GAREM2: variants seen among roughly 807,000 people sequenced by gnomAD.
GAREM2 encodes GRB2-associated and regulator of MAPK protein 2.
Under a neutral mutation model 55.6 loss-of-function variants are expected in GAREM2, and 30 were observed. The observed-to-expected ratio is 0.54, with a 90% CI of 0.40 to 0.73. GAREM2 has a LOEUF of 0.73. Among genes scored for constraint, GAREM2 ranks in the 30% least tolerant of loss-of-function variants. The pLI is 0.00. For missense variants in GAREM2, 1,075 were observed against 1,257.7 expected, an observed-to-expected ratio of 0.85 and a Z score of 2.20; for synonymous variants, 550 against 569.1, an observed-to-expected ratio of 0.97 and a Z score of 0.48.
Position 26,187,328 on chromosome 2 carries a change from T to C in GAREM2, c.1696T>C (p.Ser566Pro). The change falls in exon 6 of 6, where the codon TCT (serine) becomes CCT (proline). Residue 566 changes from serine to proline, a missense_variant. Transcript: ENST00000401533. ...GGGAGACTGCAAGGTGGGCGAGTCCTCTAGCCGCCCAGCCCCCGGTCCCCT... is the reference window on the plus strand; with the variant it reads ...GGGAGACTGCAAGGTGGGCGAGTCCCCTAGCCGCCCAGCCCCCGGTCCCCT... ...TWGDCKVGES[S>P]SRPAPGPLPS... 6.5e-7 allele frequency: 1 copy of C among 1,536,446 alleles called. No homozygotes were observed. The highest frequency in any genetic ancestry group is 8.8e-7 in the Non-Finnish European group (1 of 1,138,898).
chr2:26,195,338 T>A, the GAREM2 span: 3 of 964,142 alleles, frequency 3.1e-6, no homozygotes, highest in African/African-American at 4.8e-5. Flanking sequence ...GGCTGTGATA[T>A]AGGAATACTG....
intron 1 of GAREM2, 72 bp downstream of exon 1, chr2:26,173,404 G>A (rs1227117630): frequency 3.6e-6 from 3 of 843,214 alleles, no homozygotes; most frequent in South Asian, 3.6e-5. Context: ...GGGGCCAGAG[G>A]GATCGTGAGG....
rs1669071825 is a variant in GAREM2, at chr2:26,182,197, G to A, written c.254-770G>A. 5 of 1,363,606 alleles carry A rather than the reference G, an allele frequency of 3.7e-6. No individual in the cohort carries two copies. The Admixed American group carries it at 1.6e-4, about 44-fold the overall frequency. 84.5% of individuals were successfully genotyped at this position (1,363,606 alleles called of 1,614,324 possible). On this transcript the variant is annotated intron_variant, in intron 2 of 5. Coordinates refer to ENST00000401533, the MANE Select transcript of GAREM2 (RefSeq NM_001168241.2). The stretch of plus-strand genomic sequence containing the variant: ...CACAGGGATGTCAGCTTCACAGACT[G>A]GCAATCACTTCCGTAAAGTCTGTGT...
At chr2:26,195,302 G>T in the GAREM2 span, 1 of 1,295,568 alleles carries the variant, frequency 7.7e-7, no homozygotes, top group Non-Finnish European at 1.1e-6. Flanking sequence ...TTCCTTCTCT[G>T]CTAGGAAAAC....
chr2:26,191,009 T>C (rs4987065), downstream of GAREM2: 13 of 589,446 alleles, frequency 2.2e-5, no homozygotes, highest in Non-Finnish European at 3.0e-5. Flanking sequence ...ACTCTAGGCC[T>C]CGGGGCTTAT....
chr2:26,182,282 G>A (rs1669075167), intron 2 of GAREM2: 1 of 1,436,552 alleles, frequency 7.0e-7, no homozygotes, highest in Admixed American at 2.8e-5. Flanking sequence ...AGGTTGGGAA[G>A]GCCTACTCTC....
intron 5 of GAREM2, among the ~76,000 whole-genome samples, 193 bp downstream of exon 5, chr2:26,186,551 CT>C (rs991439161): frequency 6.6e-6 from 1 of 152,204 alleles, no homozygotes; most frequent in African/African-American, 2.4e-5. Flanking sequence ...GCCCAGTGGC[CT>C]GTTCTGCCCA....
At chr2:26,186,069 T>A in intron 4 of GAREM2, 120 bp from the exon 5 acceptor site, 1 of 1,004,146 alleles carries the variant, frequency 1.0e-6, no homozygotes, top group Non-Finnish European at 1.4e-6. Flanking sequence ...AGGCAGCCTA[T>A]TGGCAAAGTG....
downstream of GAREM2, among the ~76,000 whole-genome samples, chr2:26,193,269 G>A (rs1442843636): frequency 6.9e-6 from 1 of 145,054 alleles, no homozygotes; most frequent in African/African-American, 2.5e-5. Flanking sequence ...TATAGTCCTA[G>A]CCCTTAGAAG....
At chr2:26,193,491 G>A (rs556225196), downstream of GAREM2, 63 of 1,127,164 alleles carry the variant, frequency 5.6e-5, no homozygotes, top group East Asian at 9.4e-5. Flanking sequence ...TTTCTTCCAC[G>A]AGGGCTTCTG....
chr2:26,195,283 C>G, the GAREM2 span: 1 of 1,502,458 alleles, frequency 6.7e-7, no homozygotes, highest in Non-Finnish European at 9.3e-7. Flanking sequence ...GGTGAGGAAC[C>G]TGAGAGCATT....
chr2:26,203,318 T>C, the GAREM2 span, among the ~76,000 whole-genome samples: 1 of 152,192 alleles, frequency 6.6e-6, no homozygotes, highest in Non-Finnish European at 1.5e-5. Flanking sequence ...CAGGATGCTT[T>C]AAGTGCAGCC....
chr2:26,181,242 T>G (rs552238034), intron 2 of GAREM2: 23 of 626,570 alleles, frequency 3.7e-5, no homozygotes, highest in Non-Finnish European at 4.2e-5. Flanking sequence ...AGTTGCTGTC[T>G]GCATCCCCTC....
chr2:26,186,484 C>T (rs984674206), intron 5 of GAREM2, 126 bp downstream of exon 5: 6 of 902,774 alleles, frequency 6.6e-6, no homozygotes, highest in Non-Finnish European at 8.4e-6. Context: ...GAGGGTGCAG[C>T]TCCCTGTGCA....
the GAREM2 span, among the ~76,000 whole-genome samples, chr2:26,198,636 AAAAGT>A: frequency 6.9e-6 from 1 of 144,208 alleles, no homozygotes; most frequent in Non-Finnish European, 1.5e-5. Context: ...ATAATGCAAT[AAAAGT>A]AAAGTACTGC....
the GAREM2 span, chr2:26,201,243 A>G: frequency 6.2e-7 from 1 of 1,612,498 alleles, no homozygotes; most frequent in Non-Finnish European, 8.5e-7. Flanking sequence ...TTGGTAATCA[A>G]GCTGCCCAGT....
At position 26,187,560 on chromosome 2, in the gene GAREM2, C is replaced by CAGCG; in HGVS notation, c.1929_1932dup (p.Ala645SerfsTer49). 6.5e-7 allele frequency: 1 copy of CAGCG among 1,544,352 alleles called. No individual in the cohort carries two copies. Among genetic ancestry groups the CAGCG allele is most frequent in the Non-Finnish European group, 8.7e-7 (1 of 1,143,512 alleles). On this transcript the variant is annotated frameshift_variant, in exon 6 of 6. Coordinates refer to ENST00000401533, the MANE Select transcript of GAREM2 (RefSeq NM_001168241.2). LOFTEE classifies it high-confidence loss of function. ...GGGCCTGCCTACCCCTCAGGCCCTT[C>CAGCG]AGCGGCCTTGTCTTCTGGGCCCAGA...
At chr2:26,186,961 C>T (rs369235365) in intron 5 of GAREM2, among the ~76,000 whole-genome samples, 18 of 152,148 alleles carry the variant, frequency 1.2e-4, no homozygotes, top group African/African-American at 3.1e-4. Flanking sequence ...GGCAACAGAG[C>T]GAGAACACCA....
Position 26,187,666 on chromosome 2 carries a change from T to C in GAREM2, c.2034T>C (p.Ala678=). Residue 678 remains alanine, a synonymous_variant, in exon 6 of 6, where the codon GCT becomes GCC. Transcript: ENST00000401533. The part of the protein sequence containing the change: ...PASPGQAYSA[A]PPSSCAPSSS... ...CGCCAGGCCAGGCCTATTCAGCTGC[T>C]CCCCCCTCCTCCTGCGCCCCCTCCT... The C allele has an allele frequency of 6.6e-7, 1 of 1,513,768 alleles. No homozygotes were observed. The highest frequency in any genetic ancestry group is 8.9e-7 in the Non-Finnish European group (1 of 1,125,954). 93.8% of individuals were successfully genotyped at this position (1,513,768 alleles called of 1,614,324 possible).
Sources: allele counts gnomAD v4.1 joint callset (sites outside exome capture counted in the v4.1 genomes callset), GRCh38; gene constraint gnomAD v4.1.1; transcripts MANE v1.5; gene names NCBI Gene and HGNC (gene_info 2026-07-23, HGNC 2026-07-21).